DGKB: variants seen among roughly 807,000 people sequenced by gnomAD.
The protein encoded by DGKB is diacylglycerol kinase beta, also known as 90 kDa diacylglycerol kinase.
A neutral mutation model predicts 114.3 loss-of-function variants in DGKB; 67 were observed. The ratio of observed to expected loss-of-function variants is 0.59; its 90% CI spans 0.48 to 0.72. The LOEUF (loss-of-function observed/expected upper bound fraction) is 0.72. Ranked by LOEUF, DGKB falls within the 30% of genes least tolerant of loss-of-function variation. The pLI is 0.00. For missense variants in DGKB, 907 were observed against 975.2 expected, an observed-to-expected ratio of 0.93 and a Z score of 0.93; for synonymous variants, 398 against 323.1, an observed-to-expected ratio of 1.23 and a Z score of -2.49.
In DGKB at chr7:14,961,800, C is replaced by T. The variant is rs945511690; in HGVS notation, c.-188+12896G>A. Among the ~76,000 whole-genome samples, 6 of 152,188 alleles carry T rather than the reference C, an allele frequency of 3.9e-5. No homozygotes were observed. The East Asian group carries it at 1.2e-3, about 29-fold the overall frequency. The stretch of plus-strand genomic sequence containing the variant: ...ACACAATCCTGCTTCTTTCTCACCC[C>T]ACCCACAGCCCTTTTTTTAATAGGT... On this transcript the variant is annotated intron_variant, in intron 1 of 4. Coordinates refer to the DGKB transcript ENST00000437998.
At chr7:14,470,780 A>G (rs115647323) in intron 21 of DGKB, among the ~76,000 whole-genome samples, 5 of 151,696 alleles carry the variant, frequency 3.3e-5, no homozygotes, top group Admixed American at 2.0e-4. Context: ...TCATTTGTAC[A>G]TTAAAGATTC....
At chr7:14,155,114 C>T (rs1267470706) in intron 25 of DGKB, among the ~76,000 whole-genome samples, 1 of 152,016 alleles carries the variant, frequency 6.6e-6, no homozygotes, top group Non-Finnish European at 1.5e-5. Flanking sequence ...GCCTATTTGT[C>T]ATTTTACTTC....
intron 20 of DGKB, among the ~76,000 whole-genome samples, chr7:14,516,307 AAT>A (rs1788785713): frequency 6.6e-6 from 1 of 152,210 alleles, no homozygotes; most frequent in Non-Finnish European, 1.5e-5. Context: ...AAAGACAAAA[AAT>A]ATGTCTATAA....
At chr7:14,616,972 T>A (rs1433239251) in intron 15 of DGKB, among the ~76,000 whole-genome samples, 2 of 151,772 alleles carry the variant, frequency 1.3e-5, no homozygotes, top group East Asian at 3.9e-4. Context: ...CCATACTGAA[T>A]AGAATTCATC....
At chr7:14,285,283 C>A (rs1004802614) in intron 23 of DGKB, among the ~76,000 whole-genome samples, 1 of 152,144 alleles carries the variant, frequency 6.6e-6, no homozygotes, top group African/African-American at 2.4e-5. Flanking sequence ...AACTTACTAG[C>A]TTGTGCAGAG....
intron 9 of DGKB, among the ~76,000 whole-genome samples, chr7:14,687,654 A>G (rs1033227666): frequency 3.3e-5 from 5 of 152,204 alleles, no homozygotes; most frequent in African/African-American, 1.2e-4. Context: ...ATTAATATTT[A>G]AAAAATTAAA....
At chr7:14,846,730 C>A (rs1036001937) in intron 1 of DGKB, among the ~76,000 whole-genome samples, 3 of 152,148 alleles carry the variant, frequency 2.0e-5, no homozygotes, top group Non-Finnish European at 4.4e-5. Context: ...AGTGGATGTG[C>A]CACTTTGCTT....
At chr7:14,520,005 A>C (rs893166387) in intron 20 of DGKB, among the ~76,000 whole-genome samples, 1 of 151,288 alleles carries the variant, frequency 6.6e-6, no homozygotes, top group Non-Finnish European at 1.5e-5. Flanking sequence ...TTATCTTTCC[A>C]TTTTCTTAAT....
chr7:14,475,747 T>C (rs537034096), intron 21 of DGKB, among the ~76,000 whole-genome samples: 50 of 152,210 alleles, frequency 3.3e-4, no homozygotes, highest in Non-Finnish European at 5.2e-4. Context: ...ATAAAAAACA[T>C]TGAAGTTTAC....
chr7:14,536,092 A>G (rs1792446679), intron 20 of DGKB, among the ~76,000 whole-genome samples: 1 of 152,162 alleles, frequency 6.6e-6, no homozygotes, highest in Admixed American at 6.6e-5. Context: ...ACAAGCTACT[A>G]AGACAGAAAG....
At chr7:14,201,496 G>A (rs1003167975) in intron 23 of DGKB, among the ~76,000 whole-genome samples, 1 of 151,952 alleles carries the variant, frequency 6.6e-6, no homozygotes, top group African/African-American at 2.4e-5. Flanking sequence ...AGTGAAAGTT[G>A]CTTAGGAGGT....
At chr7:14,563,586 A>G (rs188123868) in intron 20 of DGKB, among the ~76,000 whole-genome samples, 2 of 146,816 alleles carry the variant, frequency 1.4e-5, no homozygotes, top group Non-Finnish European at 3.0e-5. Context: ...CTTGACCTCA[A>G]TGAGTATCTT....
chr7:14,218,739 T>TA (rs1450693705), intron 23 of DGKB, among the ~76,000 whole-genome samples: 1 of 152,008 alleles, frequency 6.6e-6, no homozygotes, highest in South Asian at 2.1e-4. Flanking sequence ...AGTTTTTTTT[T>TA]ATAGCTTTAT....
chr7:14,371,918 C>G (rs192120392), intron 21 of DGKB, among the ~76,000 whole-genome samples: 236 of 152,330 alleles, frequency 1.5e-3, no homozygotes, highest in African/African-American at 5.5e-3. Context: ...ATGCCAATCT[C>G]TGGCATGAGA....
intron 2 of DGKB, among the ~76,000 whole-genome samples, chr7:14,791,753 C>A (rs1840694415): frequency 6.6e-6 from 1 of 152,144 alleles, no homozygotes; most frequent in Admixed American, 6.5e-5. Context: ...ATTGAACTAA[C>A]CTCATATCCC....
chr7:14,825,033 T>TATAC lies in DGKB; in HGVS notation c.70+16160_70+16161insGTAT, dbSNP rs1202912606. Among the ~76,000 whole-genome samples, 151 of 140,060 alleles carry TATAC rather than the reference T, an allele frequency of 1.1e-3. 1 individual carries two copies. Among genetic ancestry groups the TATAC allele is most frequent in the South Asian group, 9.7e-3 (43 of 4,432 alleles). 91.9% of individuals were successfully genotyped at this position (140,060 alleles called of 152,430 possible). On this transcript the variant is annotated intron_variant, in intron 2 of 25. Coordinates refer to ENST00000402815, the MANE Select transcript of DGKB (RefSeq NM_001350709.2). Reference sequence around the variant, plus strand: ...ATGTGTATGTATATATATATATATATATATATATATATATATATATATATC... The same window carrying TATAC: ...ATGTGTATGTATATATATATATATATATACATATATATATATATATATATATATC...
chr7:14,880,178 T>G (rs1439959654), intron 1 of DGKB, among the ~76,000 whole-genome samples: 4 of 151,944 alleles, frequency 2.6e-5, no homozygotes, highest in Non-Finnish European at 5.9e-5. Context: ...TAAGAAAGAG[T>G]TGCATTCTTT....
intron 1 of DGKB, among the ~76,000 whole-genome samples, chr7:14,949,295 T>G (rs550767832): frequency 6.6e-6 from 1 of 152,120 alleles, no homozygotes; most frequent in African/African-American, 2.4e-5. Flanking sequence ...AGATGACTTA[T>G]AGCAAAGGGT....
At chr7:14,459,780 C>T (rs1445443107) in intron 21 of DGKB, among the ~76,000 whole-genome samples, 3 of 152,006 alleles carry the variant, frequency 2.0e-5, no homozygotes, top group Non-Finnish European at 4.4e-5. Flanking sequence ...AGAGCAACCC[C>T]AAGACACATA....
Sources: allele counts gnomAD v4.1 joint callset (sites outside exome capture counted in the v4.1 genomes callset), GRCh38; gene constraint gnomAD v4.1.1; transcripts MANE v1.5; gene names NCBI Gene and HGNC (gene_info 2026-07-23, HGNC 2026-07-21).